The following NCKAP1L variants were observed in gnomAD, a reference collection of about 807,000 sequenced individuals.
NCKAP1L encodes the protein nck-associated protein 1-like.
Under a neutral mutation model 139.2 loss-of-function variants are expected in NCKAP1L, and 53 were observed. The observed-to-expected ratio is 0.38, with a 90% CI of 0.31 to 0.48. The LOEUF is 0.48. NCKAP1L is among the 20% of genes least tolerant of loss of function. The pLI is 0.98. For synonymous variants in NCKAP1L, 468 were observed against 499.7 expected, an observed-to-expected ratio of 0.94 and a Z score of 0.85; for missense variants, 1,151 against 1,381.9, an observed-to-expected ratio of 0.83 and a Z score of 2.65.
chr12:54,503,681 C>A (rs910361749), intron 3 of NCKAP1L, among the ~76,000 whole-genome samples: 1 of 150,746 alleles, frequency 6.6e-6, no homozygotes, highest in African/African-American at 2.4e-5. Context: ...ACTGTGTTGC[C>A]CAGGCTGGAA....
At position 54,520,729 on chromosome 12, in the gene NCKAP1L, T is replaced by C; in HGVS notation, c.1661T>C (p.Met554Thr). 1 of 1,614,218 alleles carries C rather than the reference T, an allele frequency of 6.2e-7. No homozygotes were observed. The highest frequency in any genetic ancestry group is 8.5e-7 in the Non-Finnish European group (1 of 1,180,036). The change falls in exon 17 of 31, where the codon ATG becomes ACG. Residue 554 changes from methionine to threonine, a missense_variant. Met to Thr is a moderately conservative substitution (Grantham distance 81). Coordinates refer to ENST00000293373, the MANE Select transcript of NCKAP1L (RefSeq NM_005337.5). ...CGTATCTTTGAGAAGATGTTTGCCA[T>C]GACCTTGGAGGAATCTGCCATGTTG... is the stretch of plus-strand genomic sequence containing the variant. ...HLRIFEKMFA[M>T]TLEESAMLRY...
chr12:54,516,136 C>T (rs555843771), intron 9 of NCKAP1L, 103 bp from the exon 10 acceptor site: 11 of 1,182,050 alleles, frequency 9.3e-6, no homozygotes, highest in Non-Finnish European at 1.4e-5. Flanking sequence ...GCTGCCCATG[C>T]TCCCACCAGG....
chr12:54,516,869 T>G (rs1179603792), intron 10 of NCKAP1L, 27 bp from the exon 11 acceptor site: 1 of 1,598,872 alleles, frequency 6.3e-7, no homozygotes, highest in East Asian at 2.3e-5. Context: ...GGAGAGGTGA[T>G]AGTCATGTTC....
intron 29 of NCKAP1L, among the ~76,000 whole-genome samples, chr12:54,538,577 G>A (rs1169821866): frequency 6.6e-6 from 1 of 152,196 alleles, no homozygotes; most frequent in Non-Finnish European, 1.5e-5. Flanking sequence ...CCTAGGAAAA[G>A]AGAGGTTAAT....
intron 9 of NCKAP1L, among the ~76,000 whole-genome samples, chr12:54,513,902 A>T (rs1956908240): frequency 6.6e-6 from 1 of 152,168 alleles, no homozygotes; most frequent in Non-Finnish European, 1.5e-5. Context: ...CCAGAAATGT[A>T]AAAAGTGCAA....
At chr12:54,500,794 G>A (rs1956791813) in intron 3 of NCKAP1L, 169 bp downstream of exon 3, 1 of 563,762 alleles carries the variant, frequency 1.8e-6, no homozygotes, top group South Asian at 2.1e-5. Context: ...TTTCAAAATA[G>A]TATATGATAC....
chr12:54,541,739 A>G (rs1047509817), intron 30 of NCKAP1L, among the ~76,000 whole-genome samples: 29 of 152,158 alleles, frequency 1.9e-4, no homozygotes, highest in Non-Finnish European at 3.7e-4. Flanking sequence ...AGTACCAGAT[A>G]TATTGTGGAG....
At chr12:54,522,437 G>A (rs755955728) in intron 18 of NCKAP1L, among the ~76,000 whole-genome samples, 32 of 152,150 alleles carry the variant, frequency 2.1e-4, no homozygotes, top group Non-Finnish European at 3.7e-4. Context: ...CAGAACTTTC[G>A]CAACCAAATG....
intron 11 of NCKAP1L, 27 bp downstream of exon 11, chr12:54,517,019 A>T: frequency 1.3e-6 from 2 of 1,583,874 alleles, no homozygotes; most frequent in Non-Finnish European, 1.7e-6. Context: ...TTGGGAGGGG[A>T]ATGATGGCCA....
At chr12:54,514,317 TTTTA>T (rs1443774308) in intron 9 of NCKAP1L, among the ~76,000 whole-genome samples, 1 of 140,680 alleles carries the variant, frequency 7.1e-6, no homozygotes, top group East Asian at 3.0e-4. Flanking sequence ...GTGAATATTT[TTTTA>T]TTTTCTTTTT....
Position 54,497,885 on chromosome 12 carries a change from C to A in NCKAP1L, c.96C>A (p.Ile32=). 6.3e-7 allele frequency: 1 copy of A among 1,593,454 alleles called. No individual in the cohort carries two copies. Among genetic ancestry groups the A allele is most frequent in the Non-Finnish European group, 8.6e-7 (1 of 1,161,166 alleles). Residue 32 remains isoleucine (I), a synonymous_variant, in exon 1 of 31, where the codon ATC becomes ATA. Transcript: ENST00000293373. ...GGGTTCTCATCCGTATGTATAACAT[C>A]AAGAAGGTAAGCATGAACAATGGGA... ...GQGVLIRMYN[I]KKTCSDPKSK...
In NCKAP1L at chr12:54,543,155, T is replaced by C. The variant is rs116133779; in HGVS notation, c.*470T>C. On this transcript the variant is annotated 3_prime_UTR_variant, in exon 31 of 31. Transcript: ENST00000293373. Reference sequence around the variant, plus strand: ...CTGCACATTCATTAGGACCATTATCTTCTCTCTTCCTTTTTCAAATGTGTT... The same window carrying C: ...CTGCACATTCATTAGGACCATTATCCTCTCTCTTCCTTTTTCAAATGTGTT... The C allele has an allele frequency of 4.3e-3, 654 of 152,926 alleles. 4 individuals carry two copies. Among genetic ancestry groups the C allele is most frequent in the African/African-American group, 0.012 (516 of 41,572 alleles). The allele number at this position is 152,926 out of a possible 1,614,324, so 9.5% of individuals were successfully genotyped here.
rs989289832 is a variant in NCKAP1L at position 54,537,026 on chromosome 12, T to C, written c.3156T>C (p.Ile1052=). The change falls in exon 29 of 31, where the codon ATT becomes ATC. Residue 1052 remains isoleucine (I), a synonymous_variant. Transcript: ENST00000293373. ...TCTTCACGCTCTACAACAAGAACAT[T>C]GAAACTCACCTCAAGGAATTTCTGG... The part of the protein sequence containing the change: ...AALFTLYNKN[I]ETHLKEFLVV... The C allele has an allele frequency of 3.7e-6, 6 of 1,612,798 alleles. No homozygotes were observed. In the African/African-American group the frequency reaches 5.3e-5, roughly 14 times the overall value.
chr12:54,512,131 T>A, intron 9 of NCKAP1L, 26 bp downstream of exon 9: 1 of 1,611,284 alleles, frequency 6.2e-7, no homozygotes, highest in Non-Finnish European at 8.5e-7. Flanking sequence ...GCCAAACTGA[T>A]CTTCCTTGAA....
chr12:54,531,408 G>A, intron 23 of NCKAP1L, 51 bp downstream of exon 23: 3 of 1,606,892 alleles, frequency 1.9e-6, no homozygotes, highest in African/African-American at 1.3e-5. Context: ...GAGGAAAGAG[G>A]GTGGGTATAG....
rs144832454 is a variant in NCKAP1L, at chr12:54,526,616, G to A, written c.2245G>A (p.Gly749Ser). 180 of 1,613,872 alleles carry A rather than the reference G, an allele frequency of 1.1e-4. No individual in the cohort carries two copies. The highest frequency in any genetic ancestry group is 4.7e-4 in the African/African-American group (35 of 74,850). Residue 749 changes from glycine (G) to serine (S), a missense_variant, in exon 21 of 31, where the codon GGT becomes AGT. Coordinates refer to ENST00000293373, the MANE Select transcript of NCKAP1L (RefSeq NM_005337.5). Reference protein sequence around the residue: ...ELLAGVKAYIGFIQSLAQFLG... With the variant: ...ELLAGVKAYISFIQSLAQFLG... Reference sequence around the variant, plus strand: ...GTTGGCAGGAGTCAAAGCATACATTGGTTTCATACAGTCACTGGCCCAGTT... The same window carrying A: ...GTTGGCAGGAGTCAAAGCATACATTAGTTTCATACAGTCACTGGCCCAGTT...
Position 54,544,600 on chromosome 12 carries a change from C to T in NCKAP1L, c.*1915C>T, listed in dbSNP as rs1022233691. 1.3e-5 allele frequency: 2 copies of T among 152,100 alleles called. No homozygotes were observed. Among genetic ancestry groups the T allele is most frequent in the Non-Finnish European group, 2.9e-5 (2 of 68,026 alleles). The allele number at this position is 152,100 out of a possible 1,614,324, so 9.4% of individuals were successfully genotyped here. A position where few individuals can be genotyped will look rare whatever the true frequency, so the allele number is the denominator to read the frequency against. ...ACTGATCTTGTTCAGATTTCCTTCCCCAGTTTTGCTTATGTTCATTTCTCT... is the reference window on the plus strand; with the variant it reads ...ACTGATCTTGTTCAGATTTCCTTCCTCAGTTTTGCTTATGTTCATTTCTCT... On this transcript the variant is annotated 3_prime_UTR_variant, in exon 31 of 31. Transcript: ENST00000293373.
At chr12:54,530,943 G>A (rs1162386691) in intron 22 of NCKAP1L, among the ~76,000 whole-genome samples, 13 of 152,170 alleles carry the variant, frequency 8.5e-5, no homozygotes, top group Admixed American at 8.5e-4. Context: ...AACTAGTATA[G>A]CTAGTACAGC....
rs2120903398 is a variant in NCKAP1L, at chr12:54,512,085, C to T, written c.921C>T (p.Asp307=). 6.2e-7 allele frequency: 1 copy of T among 1,614,058 alleles called. No individual in the cohort carries two copies. The part of the protein sequence containing the change: ...DVLQVHKVTE[D]LFSSLKGYGK... Reference sequence around the variant, plus strand: ...TGCAGGTGCACAAAGTCACCGAGGACCTGTTTAGCAGTTTGAAAGGGTGAG... The same window carrying T: ...TGCAGGTGCACAAAGTCACCGAGGATCTGTTTAGCAGTTTGAAAGGGTGAG... Residue 307 remains aspartate, a synonymous_variant, in exon 9 of 31, where the codon GAC becomes GAT. Transcript: ENST00000293373.
Sources: gnomAD v4.1 joint callset for allele counts (sites outside exome capture counted in the v4.1 genomes callset) on GRCh38, gnomAD v4.1.1 for gene constraint, MANE v1.5 for transcripts, NCBI Gene and HGNC (gene_info 2026-07-23, HGNC 2026-07-21) for gene names.